RPH3A: variants seen among roughly 807,000 people sequenced by gnomAD.
RPH3A encodes rabphilin 3A, also known as rabphilin-3A.
In RPH3A, 48 loss-of-function variants were observed where a neutral mutation model predicts 102.2. The ratio of observed to expected loss-of-function variants is 0.47; its 90% CI spans 0.37 to 0.60. RPH3A has a LOEUF of 0.60. Ranked by LOEUF, RPH3A falls within the 20% of genes least tolerant of loss-of-function variation. The pLI is 0.00. For missense variants in RPH3A, 781 were observed against 910.1 expected (o/e 0.86, Z 1.83); for synonymous variants, 310 against 324.3 (o/e 0.96, Z 0.47).
At chr12:112,710,621 C>T (rs2040454306) in intron 1 of RPH3A, among the ~76,000 whole-genome samples, 1 of 152,180 alleles carries the variant, frequency 6.6e-6, no homozygotes, top group African/African-American at 2.4e-5. Flanking sequence ...ATAGACTCCA[C>T]TTGTACATAA....
chr12:112,769,798 T>C (rs1286533356), intron 1 of RPH3A, among the ~76,000 whole-genome samples: 1 of 152,216 alleles, frequency 6.6e-6, no homozygotes, highest in African/African-American at 2.4e-5. Context: ...TGATATAATT[T>C]GTGATCACAC....
intron 1 of RPH3A, among the ~76,000 whole-genome samples, chr12:112,635,013 C>T (rs745894701): frequency 1.5e-4 from 23 of 152,094 alleles, no homozygotes; most frequent in South Asian, 1.5e-3. Context: ...TTTTCCTTTA[C>T]GAGAATTTTA....
chr12:112,890,743 T>C, intron 18 of RPH3A, 106 bp from the exon 19 acceptor site: 1 of 1,277,414 alleles, frequency 7.8e-7, no homozygotes, highest in Non-Finnish European at 1.1e-6. Flanking sequence ...TCCCTAGAGC[T>C]GGCCAAGCTT....
intron 5 of RPH3A, among the ~76,000 whole-genome samples, chr12:112,861,012 A>G (rs773949706): frequency 2.0e-5 from 3 of 152,198 alleles, no homozygotes; most frequent in Non-Finnish European, 4.4e-5. Flanking sequence ...AAACCCTGGA[A>G]CCAACTTTCC....
At chr12:112,764,474 T>C (rs181427886) in intron 1 of RPH3A, among the ~76,000 whole-genome samples, 2 of 152,276 alleles carry the variant, frequency 1.3e-5, no homozygotes, top group Non-Finnish European at 2.9e-5. Flanking sequence ...AGTTAATCTT[T>C]CCTAGATCCT....
At chr12:112,783,653 T>TAAAATA (rs879275965) in intron 1 of RPH3A, among the ~76,000 whole-genome samples, 16 of 152,218 alleles carry the variant, frequency 1.1e-4, no homozygotes, top group Non-Finnish European at 1.9e-4. Context: ...CATTGAATAA[T>TAAAATA]TCCAAGAAAC....
At chr12:112,851,718 C>T (rs1023171762) in intron 5 of RPH3A, among the ~76,000 whole-genome samples, 1 of 152,172 alleles carries the variant, frequency 6.6e-6, no homozygotes, top group African/African-American at 2.4e-5. Context: ...AGTTCACAAC[C>T]CAGCTCTGTT....
At chr12:112,785,138 C>T (rs1359118987) in intron 1 of RPH3A, among the ~76,000 whole-genome samples, 1 of 151,876 alleles carries the variant, frequency 6.6e-6, no homozygotes, top group Non-Finnish European at 1.5e-5. Flanking sequence ...AGGAGAATCA[C>T]TTGAACCCAG....
intron 1 of RPH3A, among the ~76,000 whole-genome samples, chr12:112,630,391 A>G (rs2039795700): frequency 6.6e-6 from 1 of 152,304 alleles, no homozygotes; most frequent in Non-Finnish European, 1.5e-5. Context: ...AGGGCAGAAA[A>G]AATGCTAAGC....
chr12:112,658,269 C>T (rs2040026703), intron 1 of RPH3A, among the ~76,000 whole-genome samples: 1 of 152,106 alleles, frequency 6.6e-6, no homozygotes, highest in Admixed American at 6.5e-5. Flanking sequence ...CTCCACCTCC[C>T]CAGTTCAAAT....
chr12:112,747,628 A>T (rs2040757960), intron 1 of RPH3A, among the ~76,000 whole-genome samples: 3 of 152,140 alleles, frequency 2.0e-5, no homozygotes, highest in Admixed American at 2.0e-4. Context: ...AAATGAATCA[A>T]TAGTAGGTCT....
intron 1 of RPH3A, among the ~76,000 whole-genome samples, chr12:112,694,587 C>CAG (rs888296800): frequency 2.6e-4 from 38 of 145,856 alleles, no homozygotes; most frequent in South Asian, 4.4e-4. Flanking sequence ...GAGAGAAAGG[C>CAG]AGAGAGAGAG....
At position 112,713,655 on chromosome 12, in the gene RPH3A, C is replaced by T. The variant is rs147893440; in HGVS notation, c.-139-78488C>T. ...GCCAGAGTAAGATAATTTCTTGGTA[C>T]AAAGTCAGAAAAGAGTCCCACCAGC... On this transcript the variant is annotated intron_variant, in intron 1 of 21. Coordinates refer to the RPH3A transcript ENST00000543106. Among the ~76,000 whole-genome samples the T allele has an allele frequency of 1.5e-3, 228 of 152,060 alleles. 2 individuals are homozygous for T. The highest frequency in any genetic ancestry group is 5.3e-3 in the African/African-American group (218 of 41,486).
rs112414127 is a variant in RPH3A at position 112,725,106 on chromosome 12, G to A, written c.-139-67037G>A. 3.2e-3 allele frequency among the ~76,000 whole-genome samples: 479 copies of A among 149,566 alleles called. 6 individuals carry two copies. Among genetic ancestry groups the A allele is most frequent in the African/African-American group, 0.011 (461 of 40,656 alleles). ...TCTACTAAAAATACAAAAATTAGCC[G>A]GGCATGGTGGCATACGCCTGTAATC... On this transcript the variant is annotated intron_variant, in intron 1 of 21. Coordinates refer to the RPH3A transcript ENST00000543106.
intron 1 of RPH3A, among the ~76,000 whole-genome samples, chr12:112,600,956 A>G (rs575025202): frequency 6.6e-6 from 1 of 152,296 alleles, no homozygotes; most frequent in South Asian, 2.1e-4. Context: ...CAGGAGAGAG[A>G]ATGCATGCAA....
intron 3 of RPH3A, among the ~76,000 whole-genome samples, chr12:112,829,053 G>C (rs1472858219): frequency 6.6e-6 from 1 of 152,134 alleles, no homozygotes; most frequent in Non-Finnish European, 1.5e-5. Flanking sequence ...CCTACTTTGG[G>C]CATTTCTGTT....
At chr12:112,816,531 T>C (rs1417959899) in intron 2 of RPH3A, among the ~76,000 whole-genome samples, 1 of 152,206 alleles carries the variant, frequency 6.6e-6, no homozygotes, top group Non-Finnish European at 1.5e-5. Flanking sequence ...GTGGTGAGTA[T>C]GCACTGGCTT....
chr12:112,587,608 T>C (rs1212169970), intron 1 of RPH3A, among the ~76,000 whole-genome samples: 1 of 152,236 alleles, frequency 6.6e-6, no homozygotes, highest in Non-Finnish European at 1.5e-5. Flanking sequence ...CAGGTTTTTG[T>C]ACAACATCAC....
chr12:112,877,403 T>TACACACACACACACACAC (rs1288637172), intron 13 of RPH3A, among the ~76,000 whole-genome samples: 1 of 140,728 alleles, frequency 7.1e-6, no homozygotes, highest in African/African-American at 2.7e-5. Context: ...CACACACGTA[T>TACACACACACACACACAC]ACACACACAC....
Sources: allele counts gnomAD v4.1 joint callset (sites outside exome capture counted in the v4.1 genomes callset), GRCh38; gene constraint gnomAD v4.1.1; transcripts MANE v1.5; gene names NCBI Gene and HGNC (gene_info 2026-07-23, HGNC 2026-07-21).